CACNA1B: variants seen among roughly 807,000 people sequenced by gnomAD.
CACNA1B encodes voltage-dependent N-type calcium channel subunit alpha-1B.
In CACNA1B, 70 loss-of-function variants were observed where a neutral mutation model predicts 247.2. That is an observed-to-expected ratio of 0.28 (90% CI 0.23 to 0.35). The LOEUF (loss-of-function observed/expected upper bound fraction) is 0.35, where lower values mean the gene tolerates loss of function less well. CACNA1B is among the 10% of genes least tolerant of loss of function. The probability of loss-of-function intolerance (pLI) is 1.00; values close to 1 mark genes in which losing one functional copy is unlikely to be tolerated. For synonymous variants in CACNA1B, 1,231 were observed against 1,294.4 expected (o/e 0.95, Z 1.05); for missense variants, 2,367 against 3,197.4 (o/e 0.74, Z 6.26).
chr9:138,005,016 C>T (rs900079791), intron 15 of CACNA1B, among the ~76,000 whole-genome samples: 1 of 152,216 alleles, frequency 6.6e-6, no homozygotes, highest in African/African-American at 2.4e-5. Flanking sequence ...GAAGGGAACT[C>T]TCTCACACTG....
intron 6 of CACNA1B, among the ~76,000 whole-genome samples, chr9:137,927,759 G>C (rs1336820399): frequency 6.6e-6 from 1 of 152,090 alleles, no homozygotes; most frequent in Non-Finnish European, 1.5e-5. Context: ...TTGAGTTGTT[G>C]TTTTTTCTTT....
At chr9:137,903,734 A>G (rs1957265964) in intron 3 of CACNA1B, among the ~76,000 whole-genome samples, 1 of 152,118 alleles carries the variant, frequency 6.6e-6, no homozygotes, top group Non-Finnish European at 1.5e-5. Flanking sequence ...ATGTATGAAA[A>G]TTTATTCAGC....
At chr9:137,897,204 A>G (rs1207211796) in intron 3 of CACNA1B, among the ~76,000 whole-genome samples, 2 of 151,542 alleles carry the variant, frequency 1.3e-5, no homozygotes, top group Non-Finnish European at 2.9e-5. Flanking sequence ...TTTACTCTTC[A>G]TTTTCTCTGT....
chr9:137,975,258 G>A (rs1216594164), intron 11 of CACNA1B, among the ~76,000 whole-genome samples: 1 of 152,214 alleles, frequency 6.6e-6, no homozygotes, highest in Admixed American at 6.5e-5. Context: ...GAACCTCTGT[G>A]TGACTTGGTG....
chr9:138,098,708 T>C (rs1045071321), intron 37 of CACNA1B, among the ~76,000 whole-genome samples: 10 of 151,974 alleles, frequency 6.6e-5, no homozygotes, highest in African/African-American at 2.4e-4. Flanking sequence ...TTAGAAGACA[T>C]AGGCAGTCGG....
At chr9:138,111,101 G>A (rs1453869275) in intron 39 of CACNA1B, among the ~76,000 whole-genome samples, 2 of 152,150 alleles carry the variant, frequency 1.3e-5, no homozygotes, top group South Asian at 2.1e-4. Flanking sequence ...GTTCCCAGTC[G>A]GAAAAGAAAA....
intron 36 of CACNA1B, among the ~76,000 whole-genome samples, chr9:138,079,557 A>G (rs1457942963): frequency 1.3e-5 from 2 of 152,096 alleles, no homozygotes; most frequent in African/African-American, 4.8e-5. Flanking sequence ...AGCCTGGCCA[A>G]CGTGGTGAAA....
chr9:138,062,524 A>T (rs1959763420), intron 31 of CACNA1B, among the ~76,000 whole-genome samples: 1 of 152,146 alleles, frequency 6.6e-6, no homozygotes, highest in Non-Finnish European at 1.5e-5. Flanking sequence ...GGTGGGTCTG[A>T]CAGCACATCA....
Position 138,124,243 on chromosome 9 carries a change from G to A in CACNA1B, c.*2244G>A, listed in dbSNP as rs1962191785. 1 of 152,076 alleles carries A rather than the reference G, an allele frequency of 6.6e-6. No individual in the cohort carries two copies. Among genetic ancestry groups the A allele is most frequent in the African/African-American group, 2.4e-5 (1 of 41,396 alleles). The allele number at this position is 152,076 out of a possible 1,614,324, so 9.4% of individuals were successfully genotyped here. ...CTGCATCTGGAACCAGTCAAGCAGT[G>A]GCTGTAGTTTGAACAAGTTATGTGT... On this transcript the variant is annotated 3_prime_UTR_variant, in exon 47 of 47. Coordinates refer to ENST00000371372, the MANE Select transcript of CACNA1B (RefSeq NM_000718.4).
At position 138,023,711 on chromosome 9, in the gene CACNA1B, G is replaced by T. The variant is rs1246833183; in HGVS notation, c.2968G>T (p.Glu990Ter). The T allele has an allele frequency of 6.5e-7, 1 of 1,543,032 alleles. No individual in the cohort carries two copies. The highest frequency in any genetic ancestry group is 8.7e-7 in the Non-Finnish European group (1 of 1,143,952). ...CCGGCACAAGGCGCAGCCTGCTCAC[G>T]AGGCTGTGGAGAAGGAGACCACGGA... ...RARHKAQPAH[E>*]AVEKETTEKE... The change falls in exon 19 of 47, where the codon GAG becomes TAG. Residue 990 changes from glutamate (E) to a stop codon, truncating the protein, a stop_gained. Coordinates refer to ENST00000371372, the MANE Select transcript of CACNA1B (RefSeq NM_000718.4). LOFTEE classifies it high-confidence loss of function.
intron 39 of CACNA1B, among the ~76,000 whole-genome samples, chr9:138,108,892 G>A (rs760118796): frequency 3.4e-4 from 51 of 152,110 alleles, no homozygotes; most frequent in Non-Finnish European, 4.6e-4. Flanking sequence ...CTCGTGATCC[G>A]CCCGTCTCAG....
chr9:138,010,933 G>A lies in CACNA1B; in HGVS notation c.2160+856G>A, dbSNP rs954200000. On this transcript the variant is annotated intron_variant, in intron 17 of 46. Transcript: ENST00000371372. The surrounding 1 kb of genome is among the most constrained non-coding windows in gnomAD (Gnocchi z 5.3). ...CAGGTGTGCCACAGAGCTTCTCCAA[G>A]AGTGAGTGCTGTGCAGGTGCCCCTG... 5.3e-5 allele frequency among the ~76,000 whole-genome samples: 8 copies of A among 152,160 alleles called. No individual in the cohort carries two copies. The highest frequency in any genetic ancestry group is 2.1e-4 in the South Asian group (1 of 4,826).
At chr9:138,024,830 C>T (rs1958900369) in intron 19 of CACNA1B, 125 bp from the exon 20 acceptor site, 10 of 665,066 alleles carry the variant, frequency 1.5e-5, no homozygotes, top group South Asian at 8.8e-5. Flanking sequence ...GATGGGGTTT[C>T]GCCATATTCC....
chr9:138,094,815 C>T (rs1165619422), intron 36 of CACNA1B, among the ~76,000 whole-genome samples: 2 of 152,152 alleles, frequency 1.3e-5, no homozygotes, highest in African/African-American at 2.4e-5. Context: ...GACAGTTGTG[C>T]TAATGGGGGA....
rs555986129 is a variant in CACNA1B, at chr9:138,048,943, C to T, written c.3604-266C>T. ...TTGTTGTCCAGGCTGGTCTTGAACT[C>T]CAGAGCTCAGGTGATCCACCCGCCT... On this transcript the variant is annotated intron_variant, in intron 23 of 46. Transcript: ENST00000371372. 2.0e-5 allele frequency among the ~76,000 whole-genome samples: 3 copies of T among 152,362 alleles called. No individual in the cohort carries two copies. The South Asian group carries it at 6.2e-4, about 32-fold the overall frequency.
chr9:137,912,392 C>T (rs755488974), intron 3 of CACNA1B, among the ~76,000 whole-genome samples: 6 of 152,130 alleles, frequency 3.9e-5, no homozygotes, highest in Non-Finnish European at 8.8e-5. Flanking sequence ...GAGACTTGAC[C>T]GTTAGAATTG....
Position 138,043,693 on chromosome 9 carries a change from G to A in CACNA1B, c.3287-81G>A, listed in dbSNP as rs1017743909. ...TGAGGACCTGACGCAAGTGCCGGGG[G>A]CATGGGAGCTGGGAGGGAGCCACGC... On this transcript the variant is annotated intron_variant, in intron 20 of 46. Transcript: ENST00000371372. 1.6e-5 allele frequency: 25 copies of A among 1,534,164 alleles called. No homozygotes were observed. The African/African-American group carries it at 2.2e-4, about 13-fold the overall frequency.
chr9:137,908,972 A>G (rs569395281), intron 3 of CACNA1B, among the ~76,000 whole-genome samples: 1 of 150,074 alleles, frequency 6.7e-6, no homozygotes, highest in African/African-American at 2.4e-5. Flanking sequence ...TATGTATAAC[A>G]TGAAGTTTTC....
chr9:138,096,816 G>A (rs895569397), intron 37 of CACNA1B, among the ~76,000 whole-genome samples: 7 of 145,410 alleles, frequency 4.8e-5, no homozygotes, highest in South Asian at 2.3e-4. Flanking sequence ...GTGCCTTCGC[G>A]CAGTGGCCCG....
Sources: gnomAD v4.1 joint callset for allele counts (sites outside exome capture counted in the v4.1 genomes callset) on GRCh38, gnomAD v4.1.1 for gene constraint, Gnocchi (gnomAD v3.1) non-coding constraint, MANE v1.5 for transcripts, NCBI Gene and HGNC (gene_info 2026-07-23, HGNC 2026-07-21) for gene names.